Variants in SPINDOC observed in about 807,000 individuals in gnomAD.
The protein encoded by SPINDOC is spindlin interactor and repressor of chromatin-binding protein.
Under a neutral mutation model 30.7 loss-of-function variants are expected in SPINDOC, and 13 were observed. That is an observed-to-expected ratio of 0.42 (90% confidence interval 0.28 to 0.67). The LOEUF (loss-of-function observed/expected upper bound fraction) is 0.67. Ranked by LOEUF, SPINDOC falls within the 30% of genes least tolerant of loss-of-function variation. The pLI, the probability that SPINDOC is intolerant of heterozygous loss-of-function variation, is 0.22. For synonymous variants in SPINDOC, 228 were observed against 211.4 expected (o/e 1.08, Z -0.68); for missense variants, 438 against 518.0 (o/e 0.85, Z 1.50).
rs753315518 is a variant in SPINDOC, at chr11:63,822,356, TAAAAAA to T, written c.934+3373_934+3378del. ...GCCTGGGCAACTGAGCTAGACTGTC[TAAAAAA>T]AAAAAAAAAAAAAAAAAAGAAACAA... On this transcript the variant is annotated intron_variant, in intron 5 of 5. Coordinates refer to ENST00000294244, the MANE Select transcript of SPINDOC (RefSeq NM_138471.3). Among the ~76,000 whole-genome samples the T allele has an allele frequency of 3.9e-3, 227 of 58,820 alleles. 1 individual carries two copies. Among genetic ancestry groups the T allele is most frequent in the African/African-American group, 0.012 (213 of 18,386 alleles). The allele number at this position is 58,820 out of a possible 152,430, so 38.6% of individuals were successfully genotyped here. A position where few individuals can be genotyped will look rare whatever the true frequency, so the allele number is the denominator to read the frequency against.
rs541167542 is a variant in SPINDOC at position 63,827,390 on chromosome 11, C to T, written c.*251C>T. 1 of 587,792 alleles carries T rather than the reference C, an allele frequency of 1.7e-6. No individual in the cohort carries two copies. Among genetic ancestry groups the T allele is most frequent in the Middle Eastern group, 4.7e-4 (1 of 2,114 alleles). The allele number at this position is 587,792 out of a possible 1,614,324, so 36.4% of individuals were successfully genotyped here. A position where few individuals can be genotyped will look rare whatever the true frequency, so the allele number is the denominator to read the frequency against. ...CTGGGCCTGTGGAGAACACCTACCC[C>T]AGTCCTTCGCTGACCCCCACCTCTG... On this transcript the variant is annotated 3_prime_UTR_variant, in exon 6 of 6. Coordinates refer to ENST00000294244, the MANE Select transcript of SPINDOC (RefSeq NM_138471.3).
At position 63,818,146 on chromosome 11, in the gene SPINDOC, T is replaced by C; in HGVS notation, c.457+12T>C. The C allele has an allele frequency of 6.2e-7, 1 of 1,613,448 alleles. No individual in the cohort carries two copies. Among genetic ancestry groups the C allele is most frequent in the Non-Finnish European group, 8.5e-7 (1 of 1,179,490 alleles). ...CCCACCCAACTCAGGTAGTTGGTCC[T>C]GGGGCTGGCGAAGGGAGAAGTCGGA... On this transcript the variant is annotated intron_variant, in intron 2 of 5. Transcript: ENST00000294244. The surrounding 1 kb of genome is among the most constrained non-coding windows in gnomAD (Gnocchi z 5.3).
rs1015448900 is a variant in SPINDOC, at chr11:63,827,662, G to A, written c.*523G>A. On this transcript the variant is annotated 3_prime_UTR_variant, in exon 6 of 6. Coordinates refer to ENST00000294244, the MANE Select transcript of SPINDOC (RefSeq NM_138471.3). ...TTCACTCCCGTTCTCATTTACATCT[G>A]TTTTCCTGTTGTATATATCACCTTT... is the stretch of plus-strand genomic sequence containing the variant. The A allele has an allele frequency of 6.0e-6, 1 of 165,980 alleles. No individual in the cohort carries two copies. The allele number at this position is 165,980 out of a possible 1,614,324, so 10.3% of individuals were successfully genotyped here.
intron 5 of SPINDOC, among the ~76,000 whole-genome samples, chr11:63,826,050 C>T (rs1424014636): frequency 6.6e-6 from 1 of 152,010 alleles, no homozygotes; most frequent in African/African-American, 2.4e-5. Context: ...GCGACTCTCC[C>T]GCCTCAGCCT....
chr11:63,813,898 G>A (rs2015266318), intron 1 of SPINDOC, 85 bp downstream of exon 1: 1 of 1,396,236 alleles, frequency 7.2e-7, no homozygotes, highest in South Asian at 1.6e-5. Flanking sequence ...TCCGGGACCC[G>A]GGCACCTTCT....
chr11:63,822,535 T>C lies in SPINDOC; in HGVS notation c.934+3533T>C, dbSNP rs180906355. The C allele has an allele frequency of 3.6e-6, 4 of 1,108,080 alleles. No individual in the cohort carries two copies. In the African/African-American group the frequency reaches 6.4e-5, roughly 18 times the overall value. The allele number at this position is 1,108,080 out of a possible 1,614,324, so 68.6% of individuals were successfully genotyped here. On this transcript the variant is annotated intron_variant, in intron 5 of 5. Transcript: ENST00000294244. ...CTGTGTGTTTGCGTGTGTGTGTAGT[T>C]GCTTTTGTTTATTTGCCTAAATTTG...
chr11:63,818,944 AC>A lies in SPINDOC; in HGVS notation c.879del (p.Asp295ThrfsTer99). Reference protein sequence around the residue: ...QLRGPDSKDSPKDREVAEGGL... With the variant: ...QLRGPDSKDSXKDREVAEGGL... ...TCAGGGGCCCAGACAGCAAGGACTC[AC>A]CCAAAGACAGGGAAGTGGCAGAAGG... On this transcript the variant is annotated frameshift_variant, in exon 5 of 6. Transcript: ENST00000294244. LOFTEE classifies it high-confidence loss of function. This position sits in a 1 kb window ranked among gnomAD's most constrained non-coding sequence, Gnocchi z 5.3. 1 of 1,614,128 alleles carries A rather than the reference AC, an allele frequency of 6.2e-7. No individual in the cohort carries two copies.
At chr11:63,821,394 C>T (rs2015517617) in intron 5 of SPINDOC, among the ~76,000 whole-genome samples, 1 of 152,196 alleles carries the variant, frequency 6.6e-6, no homozygotes, top group Admixed American at 6.5e-5. Context: ...GATGAGCAAC[C>T]TTAATTTCAT....
intron 1 of SPINDOC, among the ~76,000 whole-genome samples, chr11:63,815,151 A>ATTC (rs2015305489): frequency 1.3e-5 from 2 of 152,250 alleles, no homozygotes; most frequent in Non-Finnish European, 2.9e-5. Context: ...AAAGAGGAGG[A>ATTC]ATGGGTATTT....
intron 5 of SPINDOC, chr11:63,822,967 G>A: frequency 3.5e-6 from 4 of 1,141,518 alleles, no homozygotes; most frequent in Non-Finnish European, 4.7e-6. Flanking sequence ...GGAGGCAATT[G>A]TAGGGTGTTG....
chr11:63,823,096 G>A (rs972884896), intron 5 of SPINDOC: 1 of 1,260,380 alleles, frequency 7.9e-7, no homozygotes, highest in South Asian at 1.2e-5. Flanking sequence ...GAGATGGCAT[G>A]AGTGAGACAG....
Position 63,827,390 on chromosome 11 carries a change from C to A in SPINDOC, c.*251C>A, listed in dbSNP as rs541167542. 3.4e-6 allele frequency: 2 copies of A among 587,672 alleles called. No individual in the cohort carries two copies. The highest frequency in any genetic ancestry group is 3.0e-5 in the East Asian group (1 of 33,796). 36.4% of individuals were successfully genotyped at this position (587,672 alleles called of 1,614,324 possible). ...CTGGGCCTGTGGAGAACACCTACCC[C>A]AGTCCTTCGCTGACCCCCACCTCTG... On this transcript the variant is annotated 3_prime_UTR_variant, in exon 6 of 6. Coordinates refer to ENST00000294244, the MANE Select transcript of SPINDOC (RefSeq NM_138471.3).
chr11:63,821,764 T>G (rs2015527327), intron 5 of SPINDOC, among the ~76,000 whole-genome samples: 1 of 152,132 alleles, frequency 6.6e-6, no homozygotes, highest in Admixed American at 6.5e-5. Context: ...TGCTTTTGTT[T>G]TTGTTTTTTG....
intron 5 of SPINDOC, among the ~76,000 whole-genome samples, chr11:63,819,363 A>G (rs1295459638): frequency 2.0e-5 from 3 of 152,144 alleles, no homozygotes; most frequent in Non-Finnish European, 4.4e-5. Flanking sequence ...GGCGTGCGCC[A>G]CCATACCCGG....
intron 5 of SPINDOC, among the ~76,000 whole-genome samples, chr11:63,821,431 G>A (rs79129752): frequency 0.055 from 8,378 of 152,246 alleles, 831 homozygotes; most frequent in African/African-American, 0.19. Flanking sequence ...CCTTTGCCAT[G>A]TAACAAAACA....
intron 5 of SPINDOC, 51 bp from the exon 6 acceptor site, chr11:63,826,874 CGTG>C: frequency 1.1e-6 from 1 of 875,228 alleles, no homozygotes; most frequent in Non-Finnish European, 1.9e-6. Context: ...GGGGCATCCT[CGTG>C]GTGGGGTGTC....
At position 63,827,606 on chromosome 11, in the gene SPINDOC, C is replaced by T. The variant is rs1054495170; in HGVS notation, c.*467C>T. 5.7e-5 allele frequency: 11 copies of T among 192,032 alleles called. No individual in the cohort carries two copies. Among genetic ancestry groups the T allele is most frequent in the Admixed American group, 4.2e-4 (8 of 18,962 alleles). 11.9% of individuals were successfully genotyped at this position (192,032 alleles called of 1,614,324 possible). On this transcript the variant is annotated 3_prime_UTR_variant, in exon 6 of 6. Transcript: ENST00000294244. ...ATTACCTCTTCCTGTCCCACCCCTG[C>T]AGAGGCCTGAAGCTGGGCCTGGGCA...
At chr11:63,819,650 C>T (rs571134493) in intron 5 of SPINDOC, among the ~76,000 whole-genome samples, 17 of 152,130 alleles carry the variant, frequency 1.1e-4, no homozygotes, top group African/African-American at 2.9e-4. Context: ...GCGTGTGCCA[C>T]CATGCCCAGC....
intron 1 of SPINDOC, among the ~76,000 whole-genome samples, chr11:63,816,680 G>A (rs759067629): frequency 1.1e-4 from 17 of 150,352 alleles, no homozygotes; most frequent in African/African-American, 1.5e-4. Context: ...TGGGCACTTC[G>A]TAAAAGCACT....
Sources: gnomAD v4.1 joint callset for allele counts (sites outside exome capture counted in the v4.1 genomes callset) on GRCh38, gnomAD v4.1.1 for gene constraint, Gnocchi (gnomAD v3.1) non-coding constraint, MANE v1.5 for transcripts, NCBI Gene and HGNC (gene_info 2026-07-23, HGNC 2026-07-21) for gene names.